TBCD: variants seen among roughly 807,000 people sequenced by gnomAD.
TBCD encodes the protein tubulin-specific chaperone D.
Under a neutral mutation model 169.3 loss-of-function variants are expected in TBCD, and 105 were observed. That is an observed-to-expected ratio of 0.62 (90% CI 0.53 to 0.73). The LOEUF (loss-of-function observed/expected upper bound fraction) is 0.73, where lower values mean the gene tolerates loss of function less well. TBCD is among the 30% of genes least tolerant of loss of function. The pLI, the probability that TBCD is intolerant of heterozygous loss-of-function variation, is 0.00. For missense variants in TBCD, 1,444 were observed against 1,600.1 expected, an observed-to-expected ratio of 0.90 and a Z score of 1.66; for synonymous variants, 700 against 643.9, an observed-to-expected ratio of 1.09 and a Z score of -1.32.
At chr17:82,768,261 T>C (rs1220631653) in intron 4 of TBCD, among the ~76,000 whole-genome samples, 159 bp from the exon 5 acceptor site, 1 of 151,196 alleles carries the variant, frequency 6.6e-6, no homozygotes, top group Non-Finnish European at 1.5e-5. Context: ...TGGCGAGGAG[T>C]TGGTGAACGG....
intron 7 of TBCD, among the ~76,000 whole-genome samples, chr17:82,785,151 G>C (rs2049219791): frequency 9.7e-6 from 1 of 102,858 alleles, no homozygotes; most frequent in African/African-American, 4.4e-5. Context: ...ATCGCAGCGG[G>C]AGGGGGGTCC....
intron 24 of TBCD, 60 bp from the exon 25 acceptor site, chr17:82,921,441 T>C (rs1248828968): frequency 1.4e-5 from 19 of 1,380,746 alleles, no homozygotes; most frequent in South Asian, 3.5e-5. Context: ...GTTTTTGCTG[T>C]TGTTTTTGAT....
chr17:82,873,913 A>G (rs1401969824), intron 14 of TBCD, among the ~76,000 whole-genome samples: 1 of 152,190 alleles, frequency 6.6e-6, no homozygotes, highest in Non-Finnish European at 1.5e-5. Flanking sequence ...TCTTTTGTGC[A>G]GTTTCCACAG....
intron 1 of TBCD, among the ~76,000 whole-genome samples, chr17:82,753,733 G>A (rs1294584034): frequency 6.6e-6 from 1 of 151,900 alleles, no homozygotes; most frequent in Non-Finnish European, 1.5e-5. Context: ...GATTACAGGT[G>A]TGAGCCACTG....
At chr17:82,820,651 A>T (rs997227412) in intron 13 of TBCD, among the ~76,000 whole-genome samples, 2 of 151,550 alleles carry the variant, frequency 1.3e-5, no homozygotes, top group Non-Finnish European at 2.9e-5. Flanking sequence ...TTTTGCACTC[A>T]TTTCAGCTCT....
chr17:82,908,593 A>T (rs1449465354), intron 21 of TBCD, among the ~76,000 whole-genome samples: 1 of 152,192 alleles, frequency 6.6e-6, no homozygotes, highest in Non-Finnish European at 1.5e-5. Context: ...TTTCATTATG[A>T]TTTTGGCAAA....
intron 19 of TBCD, among the ~76,000 whole-genome samples, chr17:82,905,606 C>T (rs1373071586): frequency 2.9e-5 from 1 of 34,040 alleles, no homozygotes; most frequent in Non-Finnish European, 5.3e-5. Flanking sequence ...TGTGGGCTTC[C>T]CACAGGTCGT....
intron 6 of TBCD, among the ~76,000 whole-genome samples, chr17:82,780,809 T>C (rs1033172565): frequency 1.3e-5 from 2 of 151,724 alleles, no homozygotes; most frequent in African/African-American, 2.4e-5. Flanking sequence ...CACACCCGGC[T>C]AATTTTTTGT....
intron 34 of TBCD, among the ~76,000 whole-genome samples, chr17:82,933,775 CTGAT>C (rs1409006426): frequency 6.6e-6 from 1 of 152,094 alleles, no homozygotes; most frequent in Non-Finnish European, 1.5e-5. Context: ...TCACACCTGG[CTGAT>C]TGTTTGTATT....
chr17:82,775,664 G>A (rs560743209), intron 6 of TBCD, among the ~76,000 whole-genome samples: 15 of 148,632 alleles, frequency 1.0e-4, no homozygotes, highest in African/African-American at 3.2e-4. Flanking sequence ...TGGTGTTACA[G>A]TGTTGCTAGA....
At position 82,923,100 on chromosome 17, in the gene TBCD, G is replaced by T. The variant is rs1212816071; in HGVS notation, c.2179-552G>T. 6.6e-6 allele frequency among the ~76,000 whole-genome samples: 1 copy of T among 152,226 alleles called. No individual in the cohort carries two copies. Among genetic ancestry groups the T allele is most frequent in the Non-Finnish European group, 1.5e-5 (1 of 68,048 alleles). ...CCGGAGCCCTGTCTCTCTAAATGAG[G>T]CTGACGTGGCTTGGCCTGAAGGCCC... On this transcript the variant is annotated intron_variant, in intron 25 of 38. Transcript: ENST00000355528. The surrounding 1 kb of genome is among the most constrained non-coding windows in gnomAD (Gnocchi z 4.6).
At chr17:82,759,364 C>G (rs1432673154) in intron 2 of TBCD, among the ~76,000 whole-genome samples, 1 of 152,040 alleles carries the variant, frequency 6.6e-6, no homozygotes, top group African/African-American at 2.4e-5. Flanking sequence ...GCCTGTAATC[C>G]CAGCTACTTG....
At chr17:82,857,987 A>G (rs957808135) in intron 13 of TBCD, among the ~76,000 whole-genome samples, 1 of 152,024 alleles carries the variant, frequency 6.6e-6, no homozygotes, top group Admixed American at 6.5e-5. Context: ...ATCACAGCTC[A>G]CCGCAGCCTT....
intron 16 of TBCD, among the ~76,000 whole-genome samples, chr17:82,892,776 T>C (rs907135439): frequency 3.9e-5 from 6 of 152,078 alleles, no homozygotes; most frequent in African/African-American, 1.4e-4. Flanking sequence ...GGGTTTAAAG[T>C]TTGTCATTTG....
At chr17:82,817,671 T>C (rs2052042851) in intron 13 of TBCD, among the ~76,000 whole-genome samples, 1 of 152,212 alleles carries the variant, frequency 6.6e-6, no homozygotes, top group Non-Finnish European at 1.5e-5. Context: ...CGTCTTGAAC[T>C]TCTGGCCTCC....
rs138555525 is a variant in TBCD, at chr17:82,789,585, C to G, written c.771+7864C>G. On this transcript the variant is annotated intron_variant, in intron 7 of 38. Transcript: ENST00000355528. This position sits in a 1 kb window ranked among gnomAD's most constrained non-coding sequence, Gnocchi z 4.8. ...TGTGGCCCCTGTGCAGGTTGGGGTGCCCCTGCCCTCTCCCCTGCCCCGCCC... is the reference window on the plus strand; with the variant it reads ...TGTGGCCCCTGTGCAGGTTGGGGTGGCCCTGCCCTCTCCCCTGCCCCGCCC... Among the ~76,000 whole-genome samples the G allele has an allele frequency of 8.2e-3, 1,254 of 152,256 alleles. 16 individuals carry two copies. The highest frequency in any genetic ancestry group is 0.029 in the African/African-American group (1,201 of 41,562).
chr17:82,906,853 C>T (rs916756849), intron 20 of TBCD, among the ~76,000 whole-genome samples: 1 of 152,220 alleles, frequency 6.6e-6, no homozygotes. Flanking sequence ...GCAGCTGATG[C>T]CCGTGCAAGA....
intron 13 of TBCD, among the ~76,000 whole-genome samples, chr17:82,863,176 G>C (rs138937950): frequency 2.0e-5 from 3 of 152,206 alleles, no homozygotes; most frequent in Admixed American, 6.5e-5. Flanking sequence ...CACCGTCCTC[G>C]TGGTGCCTGT....
chr17:82,905,839 G>C lies in TBCD; in HGVS notation c.1805-97G>C, dbSNP rs1162539660. The C allele has an allele frequency of 6.7e-5, 59 of 881,386 alleles. No individual in the cohort carries two copies. In the African/African-American group the frequency reaches 8.5e-4, roughly 13 times the overall value. 54.6% of individuals were successfully genotyped at this position (881,386 alleles called of 1,614,324 possible). On this transcript the variant is annotated intron_variant, in intron 19 of 38. Coordinates refer to ENST00000355528, the MANE Select transcript of TBCD (RefSeq NM_005993.5). ...AGGCCGTCCGTGTGTGCACGCCGTCGCCTGCCCTCCCGGCCCTGTGTGGGT... is the reference window on the plus strand; with the variant it reads ...AGGCCGTCCGTGTGTGCACGCCGTCCCCTGCCCTCCCGGCCCTGTGTGGGT...
Sources: gnomAD v4.1 joint callset for allele counts (sites outside exome capture counted in the v4.1 genomes callset) on GRCh38, gnomAD v4.1.1 for gene constraint, Gnocchi (gnomAD v3.1) non-coding constraint, MANE v1.5 for transcripts, NCBI Gene and HGNC (gene_info 2026-07-23, HGNC 2026-07-21) for gene names.